UHRF2: variants seen among roughly 807,000 people sequenced by gnomAD.
UHRF2 encodes ubiquitin like with PHD and ring finger domains 2, also known as E3 ubiquitin-protein ligase UHRF2.
In UHRF2, 23 loss-of-function variants were observed where a neutral mutation model predicts 96.8. The ratio of observed to expected loss-of-function variants is 0.24; its 90% CI spans 0.17 to 0.34. UHRF2 has a LOEUF of 0.34. Among genes scored for constraint, UHRF2 ranks in the 10% least tolerant of loss-of-function variants. The pLI is 1.00. For synonymous variants in UHRF2, 385 were observed against 332.6 expected (o/e 1.16, Z -1.72); for missense variants, 685 against 981.5 (o/e 0.70, Z 4.04).
chr9:6,483,184 G>A (rs1424033416), intron 8 of UHRF2, among the ~76,000 whole-genome samples: 1 of 151,914 alleles, frequency 6.6e-6, no homozygotes, highest in Admixed American at 6.6e-5. Flanking sequence ...AATCAGACAG[G>A]TGTGGTGGCA....
intron 6 of UHRF2, among the ~76,000 whole-genome samples, chr9:6,479,848 A>G (rs1386136125): frequency 6.6e-6 from 1 of 152,004 alleles, no homozygotes; most frequent in African/African-American, 2.4e-5. Context: ...ATATTTCTCC[A>G]TTCTCACCTC....
Position 6,474,788 on chromosome 9 carries a change from A to G in UHRF2, c.864-603A>G, listed in dbSNP as rs563544105. 2.0e-5 allele frequency among the ~76,000 whole-genome samples: 3 copies of G among 152,326 alleles called. No individual in the cohort carries two copies. The South Asian group carries it at 6.2e-4, about 32-fold the overall frequency. On this transcript the variant is annotated intron_variant, in intron 4 of 15. Transcript: ENST00000276893. ...AGTAGGAAACTTTGAAGAAGTATATACAAACAAATATGAATTGAGTCTGAC... is the reference window on the plus strand; with the variant it reads ...AGTAGGAAACTTTGAAGAAGTATATGCAAACAAATATGAATTGAGTCTGAC...
At chr9:6,435,202 C>T (rs771875396) in intron 3 of UHRF2, among the ~76,000 whole-genome samples, 2 of 152,102 alleles carry the variant, frequency 1.3e-5, no homozygotes, top group Non-Finnish European at 2.9e-5. Flanking sequence ...CCATGTTGGC[C>T]AGGCTGGTCG....
At chr9:6,459,854 T>A (rs188325245) in intron 3 of UHRF2, among the ~76,000 whole-genome samples, 2 of 152,318 alleles carry the variant, frequency 1.3e-5, no homozygotes, top group East Asian at 3.9e-4. Flanking sequence ...GTGTCTGTAG[T>A]ACCAGCTACT....
chr9:6,439,308 C>G (rs548138688), intron 3 of UHRF2, among the ~76,000 whole-genome samples: 1 of 152,166 alleles, frequency 6.6e-6, no homozygotes, highest in South Asian at 2.1e-4. Flanking sequence ...TCTCAGCCTC[C>G]TGAGACACAG....
chr9:6,467,261 A>C (rs915384056), intron 4 of UHRF2, among the ~76,000 whole-genome samples: 1 of 152,148 alleles, frequency 6.6e-6, no homozygotes, highest in Non-Finnish European at 1.5e-5. Context: ...AAAGCCAACG[A>C]TGTTGCTTCT....
chr9:6,433,621 G>A (rs1820675833), intron 2 of UHRF2, among the ~76,000 whole-genome samples: 2 of 152,122 alleles, frequency 1.3e-5, no homozygotes, highest in Admixed American at 6.5e-5. Context: ...TGACTCTTAG[G>A]TACAAAAGAA....
At chr9:6,452,328 A>C (rs932969900) in intron 3 of UHRF2, among the ~76,000 whole-genome samples, 1 of 152,266 alleles carries the variant, frequency 6.6e-6, no homozygotes, top group African/African-American at 2.4e-5. Context: ...CTGGGTCAGA[A>C]AGCAAATGTA....
chr9:6,458,433 A>C (rs930950416), intron 3 of UHRF2, among the ~76,000 whole-genome samples: 8 of 151,266 alleles, frequency 5.3e-5, no homozygotes, highest in Admixed American at 4.0e-4. Context: ...TCTTTTCAAA[A>C]AACCAGCTCC....
chr9:6,483,083 T>G (rs1451422868), intron 8 of UHRF2, among the ~76,000 whole-genome samples: 1 of 152,018 alleles, frequency 6.6e-6, no homozygotes, highest in Admixed American at 6.6e-5. Context: ...CTCAGCACTT[T>G]GGAAGGCCGC....
chr9:6,427,369 G>C (rs1054220773), intron 2 of UHRF2, among the ~76,000 whole-genome samples: 1 of 152,096 alleles, frequency 6.6e-6, no homozygotes, highest in Non-Finnish European at 1.5e-5. Context: ...ACTGGCATAG[G>C]TAAACATTTA....
intron 4 of UHRF2, among the ~76,000 whole-genome samples, 184 bp downstream of exon 4, chr9:6,460,975 C>G (rs1321392349): frequency 6.6e-6 from 1 of 152,158 alleles, no homozygotes; most frequent in Non-Finnish European, 1.5e-5. Flanking sequence ...TGGCTTAGAT[C>G]TTCAACTTTA....
At chr9:6,451,015 G>A (rs940065084) in intron 3 of UHRF2, among the ~76,000 whole-genome samples, 1 of 152,136 alleles carries the variant, frequency 6.6e-6, no homozygotes, top group Non-Finnish European at 1.5e-5. Context: ...TAAATTTAGA[G>A]GAGGAAAGGG....
At chr9:6,493,764 T>G in intron 9 of UHRF2, 62 bp from the exon 10 acceptor site, 1 of 1,408,728 alleles carries the variant, frequency 7.1e-7, no homozygotes, top group African/African-American at 1.4e-5. Context: ...GACTCTGAAA[T>G]AAGAATTGAT....
rs1819406026 is a variant in UHRF2 at position 6,413,441 on chromosome 9, C to G, written c.-50C>G. Reference sequence around the variant, plus strand: ...GCGCGGGCCGGGCGGGGCGCGGCGCCCAGAGCTCAGGGGGAGACAAAGGGG... The same window carrying G: ...GCGCGGGCCGGGCGGGGCGCGGCGCGCAGAGCTCAGGGGGAGACAAAGGGG... On this transcript the variant is annotated 5_prime_UTR_variant, in exon 1 of 16. Coordinates refer to ENST00000276893, the MANE Select transcript of UHRF2 (RefSeq NM_152896.3). The G allele has an allele frequency of 2.2e-6, 3 of 1,364,174 alleles. No homozygotes were observed. Among genetic ancestry groups the G allele is most frequent in the Admixed American group, 2.7e-5 (1 of 37,698 alleles). The allele number at this position is 1,364,174 out of a possible 1,614,324, so 84.5% of individuals were successfully genotyped here.
intron 2 of UHRF2, 96 bp downstream of exon 2, chr9:6,421,238 GA>G: frequency 3.2e-6 from 3 of 938,296 alleles, no homozygotes; most frequent in Non-Finnish European, 4.8e-6. Flanking sequence ...ATTGCCATTT[GA>G]AAGTAAAGAT....
chr9:6,504,713 CT>C (rs1360145220), intron 15 of UHRF2, 22 bp downstream of exon 15: 4 of 1,588,130 alleles, frequency 2.5e-6, no homozygotes, highest in Admixed American at 1.7e-5. Flanking sequence ...TCCTTCCTCA[CT>C]TTCCCTGTTA....
intron 4 of UHRF2, 104 bp downstream of exon 4, chr9:6,460,895 A>T: frequency 1.1e-6 from 1 of 888,286 alleles, no homozygotes; most frequent in Non-Finnish European, 1.6e-6. Context: ...TGGAGTCTAT[A>T]AAAGATGGAA....
intron 10 of UHRF2, 33 bp downstream of exon 10, chr9:6,493,965 A>G (rs1346578393): frequency 4.4e-6 from 7 of 1,586,500 alleles, no homozygotes; most frequent in South Asian, 2.3e-5. Context: ...GAATTTGAAC[A>G]TTGAATAAAA....
Sources: allele counts gnomAD v4.1 joint callset (sites outside exome capture counted in the v4.1 genomes callset), GRCh38; gene constraint gnomAD v4.1.1; transcripts MANE v1.5; gene names NCBI Gene and HGNC (gene_info 2026-07-23, HGNC 2026-07-21).